EVL: variants seen among roughly 807,000 people sequenced by gnomAD.
The protein encoded by EVL is Enah/Vasp-like, also known as ena/VASP-like protein.
In EVL, 21 loss-of-function variants were observed where a neutral mutation model predicts 59.6. The observed-to-expected ratio is 0.35, with a 90% CI of 0.25 to 0.51. The LOEUF is 0.51. EVL is among the 20% of genes least tolerant of loss of function. The pLI is 0.97. For missense variants in EVL, 462 were observed against 546.6 expected, an observed-to-expected ratio of 0.85 and a Z score of 1.54; for synonymous variants, 198 against 203.5, an observed-to-expected ratio of 0.97 and a Z score of 0.23.
rs147818051 is a variant in EVL at position 100,078,836 on chromosome 14, T to C, written c.12-5851T>C. On this transcript the variant is annotated intron_variant, in intron 1 of 13. Coordinates refer to ENST00000392920, the MANE Select transcript of EVL (RefSeq NM_016337.3). The stretch of plus-strand genomic sequence containing the variant: ...AAACCCTTCTGTTATGGGCAAATGC[T>C]GGTTCACAGTCCTACTGGGAAGAAA... 3.2e-4 allele frequency among the ~76,000 whole-genome samples: 49 copies of C among 152,326 alleles called. No homozygotes were observed. The East Asian group carries it at 6.6e-3, about 20-fold the overall frequency.
At chr14:100,086,259 A>G (rs915825045) in intron 2 of EVL, among the ~76,000 whole-genome samples, 9 of 152,186 alleles carry the variant, frequency 5.9e-5, no homozygotes, top group African/African-American at 1.9e-4. Flanking sequence ...TAAAATTCCA[A>G]TTCACTAATT....
At chr14:100,107,006 G>A (rs931688056) in intron 3 of EVL, 2 of 398,608 alleles carry the variant, frequency 5.0e-6, no homozygotes, top group Admixed American at 4.4e-5. Context: ...GCCGGGCTAC[G>A]TTGGGTCTGT....
Position 100,143,728 on chromosome 14 carries a change from G to C in EVL, c.1247G>C (p.Ser416Thr), listed in dbSNP as rs1383214288. 6.2e-7 allele frequency: 1 copy of C among 1,612,412 alleles called. No homozygotes were observed. The highest frequency in any genetic ancestry group is 2.2e-5 in the East Asian group (1 of 44,870). Residue 416 changes from serine to threonine, a missense_variant, in exon 14 of 14, where the codon AGC (serine) becomes ACC (threonine). Coordinates refer to ENST00000392920, the MANE Select transcript of EVL (RefSeq NM_016337.3). ...DAIRQELSGISTT is the reference protein window; with the variant it reads ...DAIRQELSGITTT ...ATCAGGCAGGAGCTGAGTGGGATCA[G>C]CACCACGTAAGGGGCCGGCCTCGCT...
At chr14:100,017,571 A>T (rs1020955389) in intron 1 of EVL, among the ~76,000 whole-genome samples, 1 of 152,210 alleles carries the variant, frequency 6.6e-6, no homozygotes, top group South Asian at 2.1e-4. Context: ...TATCAATATT[A>T]TTCTGGTTTT....
intron 1 of EVL, among the ~76,000 whole-genome samples, chr14:100,042,163 G>T (rs997299590): frequency 6.6e-6 from 1 of 152,004 alleles, no homozygotes; most frequent in African/African-American, 2.4e-5. Context: ...TTACATTTTT[G>T]TACTAAGTCT....
chr14:100,017,702 T>C (rs1010943328), intron 1 of EVL, among the ~76,000 whole-genome samples: 3 of 152,222 alleles, frequency 2.0e-5, no homozygotes, highest in Non-Finnish European at 2.9e-5. Context: ...TTTCCTGTTA[T>C]TATGATTCTG....
intron 12 of EVL, 48 bp from the exon 13 acceptor site, chr14:100,141,688 T>C (rs1417550791): frequency 6.3e-7 from 1 of 1,598,916 alleles, no homozygotes; most frequent in Non-Finnish European, 8.5e-7. Flanking sequence ...GGCCGGCTTT[T>C]CCGTCTCCAC....
chr14:100,134,900 G>A (rs1313967869), intron 8 of EVL: 1 of 152,200 alleles, frequency 6.6e-6, no homozygotes, highest in Non-Finnish European at 1.5e-5. Flanking sequence ...CAGGGCCTGG[G>A]AGTGCTGCGG....
At chr14:99,977,198 C>CT (rs746593466) in intron 1 of EVL, 1 of 152,074 alleles carries the variant, frequency 6.6e-6, no homozygotes, top group African/African-American at 2.4e-5. Context: ...ATCAAGATAA[C>CT]TTTAAGAATA....
At position 100,065,497 on chromosome 14, in the gene EVL, A is replaced by G; in HGVS notation, c.-4A>G. 1 of 1,522,078 alleles carries G rather than the reference A, an allele frequency of 6.6e-7. No homozygotes were observed. The highest frequency in any genetic ancestry group is 8.9e-7 in the Non-Finnish European group (1 of 1,124,090). The allele number at this position is 1,522,078 out of a possible 1,614,324, so 94.3% of individuals were successfully genotyped here. A position where few individuals can be genotyped will look rare whatever the true frequency, so the allele number is the denominator to read the frequency against. ...AGGGTTCCCTGTGCTGCCACTTTTCAGCCATGGCCACAAGGTGAGTATTGG... is the reference window on the plus strand; with the variant it reads ...AGGGTTCCCTGTGCTGCCACTTTTCGGCCATGGCCACAAGGTGAGTATTGG... On this transcript the variant is annotated 5_prime_UTR_variant, in exon 1 of 14. Coordinates refer to ENST00000392920, the MANE Select transcript of EVL (RefSeq NM_016337.3).
chr14:99,986,063 G>A (rs868831700), intron 1 of EVL, among the ~76,000 whole-genome samples: 2 of 152,090 alleles, frequency 1.3e-5, no homozygotes, highest in Admixed American at 6.5e-5. Flanking sequence ...AGGCCAAGGC[G>A]AGCGGATCAC....
intron 1 of EVL, among the ~76,000 whole-genome samples, chr14:100,009,042 C>T (rs559787525): frequency 7.2e-5 from 11 of 152,342 alleles, no homozygotes; most frequent in South Asian, 2.1e-4. Flanking sequence ...GTTTACCTCA[C>T]GTAAGACTTC....
intron 1 of EVL, among the ~76,000 whole-genome samples, chr14:100,069,239 G>A (rs1337240395): frequency 2.6e-5 from 4 of 152,196 alleles, no homozygotes; most frequent in African/African-American, 9.7e-5. Context: ...GCTTCCTGGT[G>A]TGGCATGTTA....
At chr14:100,099,315 C>G (rs547202783) in intron 3 of EVL, among the ~76,000 whole-genome samples, 1 of 152,090 alleles carries the variant, frequency 6.6e-6, no homozygotes, top group Non-Finnish European at 1.5e-5. Context: ...AGAAGAATCA[C>G]TTGAGTCCAA....
At chr14:100,063,007 G>T (rs2140266112), upstream of EVL, among the ~76,000 whole-genome samples, 1 of 152,300 alleles carries the variant, frequency 6.6e-6, no homozygotes, top group East Asian at 1.9e-4. Context: ...CTGAGGTAAG[G>T]AGGATCACTT....
At chr14:99,981,200 A>G (rs1191020) in intron 1 of EVL, among the ~76,000 whole-genome samples, 29,431 of 151,998 alleles carry the variant, frequency 0.19, 4,128 homozygotes, top group East Asian at 0.45. Context: ...AGTTTGAGGC[A>G]GTGGATTGAT....
rs79157777 is a variant in EVL, at chr14:100,102,238, C to T, written c.358+4580C>T. 4.1e-3 allele frequency: 1,875 copies of T among 456,004 alleles called. 24 individuals are homozygous for T. The highest frequency in any genetic ancestry group is 0.032 in the African/African-American group (1,623 of 50,188). 28.2% of individuals were successfully genotyped at this position (456,004 alleles called of 1,614,324 possible). Reference sequence around the variant, plus strand: ...TTATCAGTACCTTTGACAAGTGCAGCGCAGCATAGAGGAACACAGCCTCCT... The same window carrying T: ...TTATCAGTACCTTTGACAAGTGCAGTGCAGCATAGAGGAACACAGCCTCCT... On this transcript the variant is annotated intron_variant, in intron 3 of 13. Transcript: ENST00000392920.
At chr14:99,976,760 A>C (rs2060773078) in intron 1 of EVL, among the ~76,000 whole-genome samples, 1 of 152,096 alleles carries the variant, frequency 6.6e-6, no homozygotes, top group Non-Finnish European at 1.5e-5. Context: ...TGTTCTGTTC[A>C]CTTTTCCTCC....
chr14:99,974,449 T>C (rs2060756262), intron 1 of EVL: 1 of 152,954 alleles, frequency 6.5e-6, no homozygotes, highest in South Asian at 2.0e-4. Flanking sequence ...GGGGATCAGA[T>C]AGCTGTAGGT....
Sources: gnomAD v4.1 joint callset for allele counts (sites outside exome capture counted in the v4.1 genomes callset) on GRCh38, gnomAD v4.1.1 for gene constraint, MANE v1.5 for transcripts, NCBI Gene and HGNC (gene_info 2026-07-23, HGNC 2026-07-21) for gene names.